LRP4: variants seen among roughly 807,000 people sequenced by gnomAD.
The protein encoded by LRP4 is low-density lipoprotein receptor-related protein 4.
Under a neutral mutation model 220.3 loss-of-function variants are expected in LRP4, and 95 were observed. That is an observed-to-expected ratio of 0.43 (90% confidence interval 0.37 to 0.51). The LOEUF (loss-of-function observed/expected upper bound fraction) is 0.51. LRP4 is among the 20% of genes least tolerant of loss of function. The probability of loss-of-function intolerance (pLI) is 0.00; values close to 1 mark genes in which losing one functional copy is unlikely to be tolerated. For synonymous variants in LRP4, 903 were observed against 954.6 expected (o/e 0.95, Z 1.00); for missense variants, 1,925 against 2,567.0 (o/e 0.75, Z 5.40).
At chr11:46,886,670 AC>A (rs1744882901) in intron 16 of LRP4, 137 bp from the exon 17 acceptor site, 5 of 737,468 alleles carry the variant, frequency 6.8e-6, no homozygotes, top group Non-Finnish European at 1.2e-5. Flanking sequence ...TATACTTTAT[AC>A]CTCAGGCTTC....
In LRP4 at chr11:46,886,143, T is replaced by G; in HGVS notation, c.2454A>C (p.Pro818=). 1 of 1,614,188 alleles carries G rather than the reference T, an allele frequency of 6.2e-7. No homozygotes were observed. Among genetic ancestry groups the G allele is most frequent in the Non-Finnish European group, 8.5e-7 (1 of 1,180,044 alleles). The change falls in exon 18 of 38, where the codon CCA becomes CCC. Residue 818 remains proline, a synonymous_variant. Coordinates refer to ENST00000378623, the MANE Select transcript of LRP4 (RefSeq NM_002334.4). ...EVVVDTSLES[P]AGLAIDWVTN... is the part of the protein sequence containing the mutation. Reference sequence around the variant, plus strand: ...TGACCCAATCAATGGCCAGGCCAGCTGGGCTCTCCAAACTGGTATCCACTA... The same window carrying G: ...TGACCCAATCAATGGCCAGGCCAGCGGGGCTCTCCAAACTGGTATCCACTA...
rs778125205 is a variant in LRP4, at chr11:46,879,011, C to T, written c.3032G>A (p.Gly1011Asp). 2 of 1,614,234 alleles carry T rather than the reference C, an allele frequency of 1.2e-6. No homozygotes were observed. The highest frequency in any genetic ancestry group is 1.7e-6 in the Non-Finnish European group (2 of 1,180,054). The change falls in exon 22 of 38, where the codon GGC becomes GAC. Residue 1011 changes from glycine to aspartate, a missense_variant. By Grantham distance (94) the Gly-to-Asp change is moderately conservative. Around this residue, in one of 3 missense-constraint regions of LRP4, gnomAD observed 1,244 missense variants for 1,624.9 expected, o/e 0.77. Coordinates refer to ENST00000378623, the MANE Select transcript of LRP4 (RefSeq NM_002334.4). Reference protein sequence around the residue: ...PVSTPCAMENGGCSHLCLRSP... With the variant: ...PVSTPCAMENDGCSHLCLRSP... ...CCTAAGACACAGGTGGCTACAGCCG[C>T]CATTCTCCATAGCACATGGTGTAGA...
intron 12 of LRP4, among the ~76,000 whole-genome samples, chr11:46,893,666 C>G (rs1440165111): frequency 6.6e-6 from 1 of 152,214 alleles, no homozygotes; most frequent in East Asian, 1.9e-4. Context: ...GTGGTGCAGT[C>G]TCGGGTCACT....
At chr11:46,913,682 C>A (rs1004997949) in intron 1 of LRP4, among the ~76,000 whole-genome samples, 1 of 152,146 alleles carries the variant, frequency 6.6e-6, no homozygotes, top group African/African-American at 2.4e-5. Context: ...GCCCCTCTCA[C>A]CCCATGTCAC....
chr11:46,876,731 G>C lies in LRP4; in HGVS notation c.3364+13C>G. 1 of 1,614,168 alleles carries C rather than the reference G, an allele frequency of 6.2e-7. No homozygotes were observed. The highest frequency in any genetic ancestry group is 1.7e-5 in the Admixed American group (1 of 60,030). ...GCCAGACAGGTGGTCCCTGGGCTAG[G>C]AGGAAGGCCCACCTGTGGTGATGAT... On this transcript the variant is annotated intron_variant, in intron 24 of 37. Coordinates refer to ENST00000378623, the MANE Select transcript of LRP4 (RefSeq NM_002334.4).
Position 46,899,810 on chromosome 11 carries a change from GCC to G in LRP4, c.430+51_430+52del. On this transcript the variant is annotated intron_variant, in intron 4 of 37. Coordinates refer to ENST00000378623, the MANE Select transcript of LRP4 (RefSeq NM_002334.4). This position sits in a 1 kb window ranked among gnomAD's most constrained non-coding sequence, Gnocchi z 5.9. ...GCCATTGCTGCTATCTTCTCCCATG[GCC>G]AGGCCACCCACTGGCCACCTTGCCT... 1 of 1,441,158 alleles carries G rather than the reference GCC, an allele frequency of 6.9e-7. No individual in the cohort carries two copies. Among genetic ancestry groups the G allele is most frequent in the East Asian group, 2.3e-5 (1 of 44,020 alleles). 89.3% of individuals were successfully genotyped at this position (1,441,158 alleles called of 1,614,324 possible). A position where few individuals can be genotyped will look rare whatever the true frequency, so the allele number is the denominator to read the frequency against.
intron 1 of LRP4, among the ~76,000 whole-genome samples, chr11:46,904,561 T>C (rs548168350): frequency 2.2e-4 from 34 of 152,270 alleles, no homozygotes; most frequent in Non-Finnish European, 4.1e-4. Context: ...GAATCCCTGA[T>C]GCTACAGGTA....
Position 46,890,145 on chromosome 11 carries a change from AG to A in LRP4, c.1916-26del. The A allele has an allele frequency of 6.2e-7, 1 of 1,613,392 alleles. No individual in the cohort carries two copies. The highest frequency in any genetic ancestry group is 8.5e-7 in the Non-Finnish European group (1 of 1,179,442). Reference sequence around the variant, plus strand: ...CCTGGGGAAAGTCCAGGAAGACCTCAGTCTGGACGTGGTCTGCCATGTCCCC... The same window carrying A: ...CCTGGGGAAAGTCCAGGAAGACCTCATCTGGACGTGGTCTGCCATGTCCCC... On this transcript the variant is annotated intron_variant, in intron 14 of 37. Transcript: ENST00000378623. The surrounding 1 kb of genome is among the most constrained non-coding windows in gnomAD (Gnocchi z 5.3).
intron 10 of LRP4, among the ~76,000 whole-genome samples, 200 bp from the exon 11 acceptor site, chr11:46,895,491 G>T (rs113362246): frequency 3.3e-5 from 5 of 152,090 alleles, no homozygotes; most frequent in Non-Finnish European, 7.4e-5. Flanking sequence ...TGAGGCAGGA[G>T]AATGGCTTGA....
At chr11:46,872,996 A>C (rs529603244) in intron 30 of LRP4, 104 bp downstream of exon 30, 38 of 1,490,360 alleles carry the variant, frequency 2.5e-5, no homozygotes, top group Non-Finnish European at 3.4e-5. Context: ...TCTTCCCCAC[A>C]TACCAAGAAG....
chr11:46,903,825 C>G (rs973880498), intron 1 of LRP4, among the ~76,000 whole-genome samples: 10 of 152,240 alleles, frequency 6.6e-5, no homozygotes, highest in Non-Finnish European at 7.4e-5. Flanking sequence ...CTGCCAGGGC[C>G]TTCCTGTCTG....
intron 2 of LRP4, 55 bp downstream of exon 2, chr11:46,902,728 C>G: frequency 6.2e-7 from 1 of 1,607,214 alleles, no homozygotes; most frequent in Non-Finnish European, 8.5e-7. Context: ...TGTCCTTGCC[C>G]CCCACCCCCA....
At position 46,890,204 on chromosome 11, in the gene LRP4, T is replaced by A; in HGVS notation, c.1915+73A>T. On this transcript the variant is annotated intron_variant, in intron 14 of 37. Coordinates refer to ENST00000378623, the MANE Select transcript of LRP4 (RefSeq NM_002334.4). The surrounding 1 kb of genome is among the most constrained non-coding windows in gnomAD (Gnocchi z 5.3). ...AGGCCTGGCAACTACACAAAACCTC[T>A]ACCAAGGCTCCTGGGGGGCAGGGAC... The A allele has an allele frequency of 6.2e-7, 1 of 1,605,292 alleles. No homozygotes were observed. The highest frequency in any genetic ancestry group is 8.5e-7 in the Non-Finnish European group (1 of 1,172,386).
At chr11:46,862,109 T>C (rs1940573259) in intron 37 of LRP4, among the ~76,000 whole-genome samples, 1 of 149,636 alleles carries the variant, frequency 6.7e-6, no homozygotes, top group African/African-American at 2.5e-5. Flanking sequence ...CAGGTAAACC[T>C]TCAGAATTCT....
At chr11:46,879,081 A>C in intron 21 of LRP4, 43 bp from the exon 22 acceptor site, 1 of 1,614,232 alleles carries the variant, frequency 6.2e-7, no homozygotes, top group Non-Finnish European at 8.5e-7. Flanking sequence ...GAGCTAGGGC[A>C]TAGGAGGGCC....
chr11:46,880,496 G>A (rs1470825265), intron 20 of LRP4, among the ~76,000 whole-genome samples: 1 of 152,052 alleles, frequency 6.6e-6, no homozygotes. Context: ...AGTAGCTAGG[G>A]TGCAGTAGTA....
In LRP4 at chr11:46,868,706, A is replaced by G. The variant is rs748720758; in HGVS notation, c.4845T>C (p.Asn1615=). 4 of 1,612,450 alleles carry G rather than the reference A, an allele frequency of 2.5e-6. No homozygotes were observed. Among genetic ancestry groups the G allele is most frequent in the Non-Finnish European group, 3.4e-6 (4 of 1,178,550 alleles). ...AGCCACCATTGTTCACACCACAGGC[A>G]TTGGTCCCTGGAGGCAAAGTAGATG... ...VVSPQRQTGT[N]ACGVNNGGCT... The change falls in exon 33 of 38, where the codon AAT becomes AAC. Residue 1615 remains asparagine (N), a synonymous_variant. Transcript: ENST00000378623.
chr11:46,862,778 C>T (rs370632276), intron 36 of LRP4, 31 bp from the exon 37 acceptor site: 152 of 1,609,776 alleles, frequency 9.4e-5, no homozygotes, highest in African/African-American at 2.7e-4. Context: ...AGAAATTAGT[C>T]GAGATCTTTA....
rs1452525646 is a variant in LRP4, at chr11:46,859,065, G to A, written c.5636C>T (p.Ala1879Val). The change falls in exon 38 of 38, where the codon GCA becomes GTA. Residue 1879 changes from alanine to valine, a missense_variant. By Grantham distance (64) the Ala-to-Val change is moderately conservative (BLOSUM62 0). Transcript: ENST00000378623. ...EQSECSSVHT[A>V]ATPERRGSLP... ...AGAGCCTCGTCTTTCTGGAGTGGCT[G>A]CAGTATGGACGCTGCTACACTCAGA... is the stretch of plus-strand genomic sequence containing the variant. 5 of 1,614,138 alleles carry A rather than the reference G, an allele frequency of 3.1e-6. No individual in the cohort carries two copies. In the South Asian group the frequency reaches 4.4e-5, roughly 14 times the overall value.
Sources: gnomAD v4.1 joint callset for allele counts (sites outside exome capture counted in the v4.1 genomes callset) on GRCh38, gnomAD v4.1.1 for gene constraint, gnomAD v4.1.1 regional missense constraint, Gnocchi (gnomAD v3.1) non-coding constraint, MANE v1.5 for transcripts, NCBI Gene and HGNC (gene_info 2026-07-23, HGNC 2026-07-21) for gene names.